Variants in FAM20C observed in about 807,000 individuals in gnomAD.
FAM20C encodes extracellular serine/threonine protein kinase FAM20C.
Under a neutral mutation model 51.5 loss-of-function variants are expected in FAM20C, and 40 were observed. The ratio of observed to expected loss-of-function variants is 0.78; its 90% CI spans 0.60 to 1.01. The LOEUF is 1.01. Among genes scored for constraint, FAM20C ranks in the 50% least tolerant of loss-of-function variants. The pLI is 0.00. For missense variants in FAM20C, 861 were observed against 844.7 expected, an observed-to-expected ratio of 1.02 and a Z score of -0.24; for synonymous variants, 406 against 380.6, an observed-to-expected ratio of 1.07 and a Z score of -0.78.
intron 8 of FAM20C, among the ~76,000 whole-genome samples, chr7:257,643 C>T (rs1286608460): frequency 1.3e-5 from 2 of 152,176 alleles, no homozygotes; most frequent in African/African-American, 2.4e-5. Flanking sequence ...TGGGCTGACG[C>T]TCCCTGGAGC....
intron 8 of FAM20C, among the ~76,000 whole-genome samples, 179 bp from the exon 9 acceptor site, chr7:258,460 CACTGCCT>C: frequency 7.5e-6 from 1 of 134,206 alleles, no homozygotes; most frequent in Admixed American, 7.2e-5. Context: ...GGGATGGACC[CACTGCCT>C]GGGGTGCTGG....
chr7:214,878 C>T (rs1038831510), intron 3 of FAM20C, among the ~76,000 whole-genome samples: 1 of 152,150 alleles, frequency 6.6e-6, no homozygotes, highest in African/African-American at 2.4e-5. Flanking sequence ...CTGGCTGTGA[C>T]CACCTCCAGG....
rs115927676 is a variant in FAM20C at position 207,438 on chromosome 7, C to G, written c.785-1460C>G. ...GCCCGAGTTTGCTCTGCTTCCTCTG[C>G]TGGGTCATGCCGTCCTCTGTGGGGC... On this transcript the variant is annotated intron_variant, in intron 2 of 9. Transcript: ENST00000313766. Among the ~76,000 whole-genome samples, 1,258 of 149,382 alleles carry G rather than the reference C, an allele frequency of 8.4e-3. 57 individuals carry two copies. The highest frequency in any genetic ancestry group is 0.014 in the Middle Eastern group (4 of 282).
At chr7:210,026 G>A (rs536104757) in intron 3 of FAM20C, among the ~76,000 whole-genome samples, 1 of 152,166 alleles carries the variant, frequency 6.6e-6, no homozygotes, top group African/African-American at 2.4e-5. Context: ...GCCGGTGGAT[G>A]AGTCACAGCC....
At chr7:223,517 A>C (rs999521300) in intron 3 of FAM20C, among the ~76,000 whole-genome samples, 7 of 152,160 alleles carry the variant, frequency 4.6e-5, no homozygotes, top group Non-Finnish European at 1.0e-4. Context: ...GGAGGAGCAG[A>C]GGGGCAGGCG....
chr7:207,431 T>C (rs1786477054), intron 2 of FAM20C, among the ~76,000 whole-genome samples: 1 of 152,214 alleles, frequency 6.6e-6, no homozygotes, highest in African/African-American at 2.4e-5. Flanking sequence ...TTGCTCTGCT[T>C]CCTCTGCTGG....
In FAM20C at chr7:193,322, G is replaced by A. The variant is rs970851554; in HGVS notation, c.123G>A (p.Ser41=). ...PRLERRGARP[S]GEPGCSCAQP... ...TGGAGCGACGCGGCGCGCGGCCCTC[G>A]GGGGAGCCCGGCTGTTCGTGCGCGC... is the stretch of plus-strand genomic sequence containing the variant. The change falls in exon 1 of 10, where the codon TCG becomes TCA. Residue 41 remains serine, a synonymous_variant. Coordinates refer to ENST00000313766, the MANE Select transcript of FAM20C (RefSeq NM_020223.4). The A allele has an allele frequency of 3.6e-6, 5 of 1,384,942 alleles. No homozygotes were observed. In the African/African-American group the frequency reaches 6.1e-5, roughly 17 times the overall value. The allele number at this position is 1,384,942 out of a possible 1,614,324, so 85.8% of individuals were successfully genotyped here.
chr7:231,913 A>T (rs544905050), intron 3 of FAM20C, among the ~76,000 whole-genome samples: 3 of 152,226 alleles, frequency 2.0e-5, no homozygotes, highest in African/African-American at 7.2e-5. Flanking sequence ...TGTGCTGAGC[A>T]GGACACCCAA....
At position 214,295 on chromosome 7, in the gene FAM20C, A is replaced by G. The variant is rs539025955; in HGVS notation, c.863+5319A>G. 3.9e-5 allele frequency among the ~76,000 whole-genome samples: 6 copies of G among 152,304 alleles called. No individual in the cohort carries two copies. In the South Asian group the frequency reaches 1.2e-3, roughly 32 times the overall value. On this transcript the variant is annotated intron_variant, in intron 3 of 9. Transcript: ENST00000313766. ...AGCCGAGATCACGCCACCGCACTCC[A>G]GCCTGGGCAATAAGAGTGAAACTCG...
intron 2 of FAM20C, among the ~76,000 whole-genome samples, chr7:208,528 G>A (rs1169535270): frequency 1.6e-5 from 2 of 122,120 alleles, no homozygotes; most frequent in East Asian, 5.1e-4. Context: ...TGTGTGATGT[G>A]TAGTGTGTGG....
chr7:200,174 G>C lies in FAM20C; in HGVS notation c.784+4442G>C, dbSNP rs1173515343. On this transcript the variant is annotated intron_variant, in intron 2 of 9. Coordinates refer to ENST00000313766, the MANE Select transcript of FAM20C (RefSeq NM_020223.4). ...CACCGTGTCTGTTCCTTGGGAGCAG[G>C]GCTCCTTGGAAGGCAGCGCCAGCTC... 2.0e-5 allele frequency among the ~76,000 whole-genome samples: 3 copies of C among 152,334 alleles called. No individual in the cohort carries two copies. In the South Asian group the frequency reaches 6.2e-4, roughly 32 times the overall value.
intron 3 of FAM20C, among the ~76,000 whole-genome samples, chr7:241,865 G>A (rs1208125529): frequency 2.6e-5 from 4 of 152,136 alleles, no homozygotes; most frequent in Non-Finnish European, 5.9e-5. Flanking sequence ...GTGTGTGTGT[G>A]CATGAGTGGG....
At chr7:249,048 ACT>A (rs202084448) in intron 5 of FAM20C, among the ~76,000 whole-genome samples, 38,810 of 152,138 alleles carry the variant, frequency 0.26, 5,117 homozygotes, top group Middle Eastern at 0.35. Flanking sequence ...GCACAGAGAG[ACT>A]GTTTCTTCCA....
At chr7:222,121 G>C (rs144800227) in intron 3 of FAM20C, among the ~76,000 whole-genome samples, 1 of 151,786 alleles carries the variant, frequency 6.6e-6, no homozygotes, top group Non-Finnish European at 1.5e-5. Context: ...GGAGGGGCCT[G>C]TGGGGAGCCA....
At position 257,050 on chromosome 7, in the gene FAM20C, A is replaced by G; in HGVS notation, c.1409A>G (p.Asn470Ser). Residue 470 changes from asparagine (N) to serine (S), a missense_variant, in exon 8 of 10, where the codon AAT (asparagine) becomes AGT (serine). By Grantham distance (46) the Asn-to-Ser change is conservative (BLOSUM62 1). Around this residue, in one of 3 missense-constraint regions of FAM20C, gnomAD observed 269 missense variants for 283.8 expected, o/e 0.95. Transcript: ENST00000313766. ...HHYETFEKFG[N>S]ETFIIHLDNG... is the part of the protein sequence containing the mutation. ...TACGAGACTTTTGAGAAGTTTGGGA[A>G]TGAAACGTTCATCATCCACTTAGAC... 1 of 1,537,126 alleles carries G rather than the reference A, an allele frequency of 6.5e-7. No individual in the cohort carries two copies. Among genetic ancestry groups the G allele is most frequent in the Non-Finnish European group, 8.7e-7 (1 of 1,146,874 alleles).
rs952995566 is a variant in FAM20C at position 258,646 on chromosome 7, G to A, written c.1446G>A (p.Gly482=). 23 of 1,536,786 alleles carry A rather than the reference G, an allele frequency of 1.5e-5. No homozygotes were observed. The highest frequency in any genetic ancestry group is 8.2e-5 in the African/African-American group (6 of 73,124). ...GACAATTCTGCTTTTCTTCTGGAAG[G>A]TTTGGGAAGTATTCGCACGACGAGC... The part of the protein sequence containing the change: ...TFIIHLDNGR[G]FGKYSHDELS... Residue 482 remains glycine (G), a splice_region_variant and synonymous_variant, in exon 9 of 10, where the codon GGG becomes GGA. Transcript: ENST00000313766.
rs767807372 is a variant in FAM20C, at chr7:195,563, G to A, written c.615G>A (p.Ala205=). 3.8e-6 allele frequency: 6 copies of A among 1,581,512 alleles called. No homozygotes were observed. Among genetic ancestry groups the A allele is most frequent in the Middle Eastern group, 1.7e-4 (1 of 5,968 alleles). Residue 205 remains alanine (A), a synonymous_variant, in exon 2 of 10, where the codon GCG becomes GCA. Transcript: ENST00000313766. ...TCGCTGCTCCCTGCAGGCCGCATGC[G>A]GGTGCTGAAGGTGCAGAATTCCTCT... ...KAAENPDWPH[A]GAEGAEFLSP...
At chr7:252,574 C>A (rs992172393) in intron 5 of FAM20C, among the ~76,000 whole-genome samples, 1 of 152,218 alleles carries the variant, frequency 6.6e-6, no homozygotes, top group Non-Finnish European at 1.5e-5. Flanking sequence ...CCCCCTCGGC[C>A]TCCCGTGGCC....
chr7:207,705 C>A (rs1786495409), intron 2 of FAM20C, among the ~76,000 whole-genome samples: 1 of 152,236 alleles, frequency 6.6e-6, no homozygotes, highest in African/African-American at 2.4e-5. Flanking sequence ...GAGGCCCCCT[C>A]ACACCAGACA....
Sources: allele counts gnomAD v4.1 joint callset (sites outside exome capture counted in the v4.1 genomes callset), GRCh38; gene constraint gnomAD v4.1.1; regional missense constraint gnomAD v4.1.1; transcripts MANE v1.5; gene names NCBI Gene and HGNC (gene_info 2026-07-23, HGNC 2026-07-21).